Variants in CCNY observed in about 807,000 individuals in gnomAD.
CCNY encodes cyclin-Y.
A neutral mutation model predicts 42.8 loss-of-function variants in CCNY; 19 were observed. The ratio of observed to expected loss-of-function variants is 0.44; its 90% CI spans 0.31 to 0.65. The LOEUF (loss-of-function observed/expected upper bound fraction) is 0.65. CCNY is among the 30% of genes least tolerant of loss of function. The pLI, the probability that CCNY is intolerant of heterozygous loss-of-function variation, is 0.07. For synonymous variants in CCNY, 165 were observed against 162.7 expected (o/e 1.01, Z -0.11); for missense variants, 370 against 437.3 (o/e 0.85, Z 1.37).
At chr10:35,266,867 T>C (rs1301700911) in intron 3 of CCNY, among the ~76,000 whole-genome samples, 4 of 152,024 alleles carry the variant, frequency 2.6e-5, no homozygotes, top group African/African-American at 9.7e-5. Flanking sequence ...GTGGATCTCC[T>C]GAGATCAGGA....
At chr10:35,525,116 G>A (rs1045598708) in intron 4 of CCNY, among the ~76,000 whole-genome samples, 7 of 151,908 alleles carry the variant, frequency 4.6e-5, no homozygotes, top group African/African-American at 1.7e-4. Flanking sequence ...TAAATTATTC[G>A]ACAATCATAT....
chr10:35,274,784 G>A (rs1835218139), intron 3 of CCNY, among the ~76,000 whole-genome samples: 1 of 152,050 alleles, frequency 6.6e-6, no homozygotes, highest in Non-Finnish European at 1.5e-5. Flanking sequence ...TGGGAGGGAT[G>A]GGAAAGAAAA....
In CCNY at chr10:35,322,121, C is replaced by T. The variant is rs75342993; in HGVS notation, c.-9+71495C>T. ...CTGTAATCCCAGCACTATGGGAGAA[C>T]GAAGCGGGTGGATCACCAGGTCAGG... On this transcript the variant is annotated intron_variant, in intron 3 of 11. Transcript: ENST00000374706. Among the ~76,000 whole-genome samples, 909 of 152,198 alleles carry T rather than the reference C, an allele frequency of 6.0e-3. 9 individuals carry two copies. The highest frequency in any genetic ancestry group is 6.9e-3 in the Non-Finnish European group (469 of 67,990).
At chr10:35,479,606 T>G (rs1324566967) in intron 1 of CCNY, among the ~76,000 whole-genome samples, 2 of 48,066 alleles carry the variant, frequency 4.2e-5, no homozygotes, top group Non-Finnish European at 7.9e-5. Flanking sequence ...GGGACTGTTG[T>G]GGGGTGGGGG....
intron 1 of CCNY, among the ~76,000 whole-genome samples, chr10:35,454,722 G>A (rs1001574991): frequency 1.3e-5 from 2 of 152,214 alleles, no homozygotes; most frequent in Non-Finnish European, 2.9e-5. Flanking sequence ...GCCTGGAGGC[G>A]GGTATGCTCT....
intron 1 of CCNY, among the ~76,000 whole-genome samples, chr10:35,438,138 T>C (rs1028108069): frequency 6.6e-6 from 1 of 151,354 alleles, no homozygotes; most frequent in South Asian, 2.1e-4. Flanking sequence ...TAAAAACATA[T>C]CTTCAGAGTT....
chr10:35,419,533 C>CTTTT lies in CCNY; in HGVS notation c.155-63859_155-63856dup, dbSNP rs34429228. 3.8e-4 allele frequency among the ~76,000 whole-genome samples: 49 copies of CTTTT among 129,688 alleles called. 2 individuals carry two copies. Among genetic ancestry groups the CTTTT allele is most frequent in the Admixed American group, 2.9e-3 (38 of 13,300 alleles). The allele number at this position is 129,688 out of a possible 152,430, so 85.1% of individuals were successfully genotyped here. On this transcript the variant is annotated intron_variant, in intron 1 of 9. Coordinates refer to ENST00000374704, the MANE Select transcript of CCNY (RefSeq NM_145012.6). ...AGGACTGGGTTGCATTAGACCGTTC[C>CTTTT]TTTTTTTTTTTTTTTAGCAATCTGG...
chr10:35,443,388 T>G (rs1838717588), intron 1 of CCNY, among the ~76,000 whole-genome samples: 1 of 152,208 alleles, frequency 6.6e-6, no homozygotes, highest in African/African-American at 2.4e-5. Flanking sequence ...ATTTTTTTCT[T>G]TATATCCATA....
intron 1 of CCNY, chr10:35,347,516 T>G: frequency 1.4e-6 from 1 of 725,910 alleles, no homozygotes; most frequent in Non-Finnish European, 1.7e-6. Flanking sequence ...GCTTACAACA[T>G]TTTATAAGCA....
At chr10:35,537,339 G>A (rs1840906566) in intron 7 of CCNY, among the ~76,000 whole-genome samples, 1 of 152,240 alleles carries the variant, frequency 6.6e-6, no homozygotes, top group African/African-American at 2.4e-5. Context: ...GAAGGGAAAT[G>A]TGGGGTCAGA....
chr10:35,529,907 T>G, intron 5 of CCNY, 66 bp from the exon 6 acceptor site: 2 of 1,420,718 alleles, frequency 1.4e-6, no homozygotes, highest in Non-Finnish European at 2.0e-6. Context: ...TAAAATGTAT[T>G]TTTGTTTTAT....
At chr10:35,524,445 A>G (rs1365308518) in intron 4 of CCNY, among the ~76,000 whole-genome samples, 2 of 152,208 alleles carry the variant, frequency 1.3e-5, no homozygotes, top group African/African-American at 4.8e-5. Flanking sequence ...GAGATTAGCT[A>G]CTGTCATGTT....
At chr10:35,535,282 T>C (rs1007331547) in intron 7 of CCNY, among the ~76,000 whole-genome samples, 14 of 151,994 alleles carry the variant, frequency 9.2e-5, no homozygotes, top group Admixed American at 9.2e-4. Flanking sequence ...CACAGCTGCA[T>C]TCTCTGAACA....
At chr10:35,294,887 G>A (rs1052505694) in intron 3 of CCNY, among the ~76,000 whole-genome samples, 1 of 152,150 alleles carries the variant, frequency 6.6e-6, no homozygotes, top group Non-Finnish European at 1.5e-5. Flanking sequence ...TTTCATCGTG[G>A]TAGTTTTCTG....
chr10:35,462,866 G>C (rs1323953548), intron 1 of CCNY, among the ~76,000 whole-genome samples: 1 of 152,258 alleles, frequency 6.6e-6, no homozygotes, highest in African/African-American at 2.4e-5. Context: ...TGTGCTGTGA[G>C]GAAGGCAGAG....
intron 1 of CCNY, among the ~76,000 whole-genome samples, chr10:35,412,899 G>GGAATTTGC (rs1221624853): frequency 6.8e-6 from 1 of 146,626 alleles, no homozygotes; most frequent in African/African-American, 2.6e-5. Flanking sequence ...GAATTTGCGC[G>GGAATTTGC]GCGGGCAAGA....
intron 1 of CCNY, among the ~76,000 whole-genome samples, chr10:35,439,352 T>A (rs543089144): frequency 6.6e-6 from 1 of 152,336 alleles, no homozygotes; most frequent in African/African-American, 2.4e-5. Context: ...TAATTTCTTT[T>A]GTTCCATCTT....
At chr10:35,266,226 C>T (rs990029619) in intron 3 of CCNY, among the ~76,000 whole-genome samples, 1 of 149,020 alleles carries the variant, frequency 6.7e-6, no homozygotes, top group Admixed American at 6.7e-5. Context: ...TACAGGCATG[C>T]GCTACCATGC....
At chr10:35,405,856 G>A (rs1421431391) in intron 1 of CCNY, among the ~76,000 whole-genome samples, 1 of 152,204 alleles carries the variant, frequency 6.6e-6, no homozygotes, top group African/African-American at 2.4e-5. Context: ...TTTCCAGTGG[G>A]GTCCTGCACA....
Sources: allele counts gnomAD v4.1 joint callset (sites outside exome capture counted in the v4.1 genomes callset), GRCh38; gene constraint gnomAD v4.1.1; transcripts MANE v1.5; gene names NCBI Gene and HGNC (gene_info 2026-07-23, HGNC 2026-07-21).